The following IFT56 variants were observed in gnomAD, a reference collection of about 807,000 sequenced individuals.
IFT56 encodes intraflagellar transport 56, also known as intraflagellar transport protein 56.
chr7:139,181,266 T>C, the IFT56 span: 1 of 1,209,764 alleles, frequency 8.3e-7, no homozygotes, highest in African/African-American at 1.5e-5. Flanking sequence ...GGCTAAATAT[T>C]AGGGGAAAAT....
chr7:139,185,606 A>G, the IFT56 span, among the ~76,000 whole-genome samples: 1 of 152,044 alleles, frequency 6.6e-6, no homozygotes, highest in East Asian at 1.9e-4. Flanking sequence ...AAAGATGTGT[A>G]TACTTAAGAG....
At chr7:139,148,740 C>T in the IFT56 span, among the ~76,000 whole-genome samples, 4 of 151,664 alleles carry the variant, frequency 2.6e-5, no homozygotes, top group South Asian at 4.2e-4. Context: ...GCCTAGCCAA[C>T]ATGGCCCCAT....
the IFT56 span, among the ~76,000 whole-genome samples, chr7:139,159,657 C>G: frequency 1.3e-5 from 2 of 152,110 alleles, no homozygotes; most frequent in Non-Finnish European, 2.9e-5. Flanking sequence ...CATCTATCCT[C>G]TGTTAAGCCA....
the IFT56 span, among the ~76,000 whole-genome samples, chr7:139,157,656 A>C: frequency 6.6e-6 from 1 of 151,794 alleles, no homozygotes; most frequent in African/African-American, 2.4e-5. Context: ...GGTGTATGCC[A>C]CTGTGTCCAA....
chr7:139,141,585 G>A, the IFT56 span, among the ~76,000 whole-genome samples: 66 of 152,276 alleles, frequency 4.3e-4, no homozygotes, highest in Non-Finnish European at 7.9e-4. Flanking sequence ...GGTGATTGTG[G>A]TAGCTATCTC....
At chr7:139,179,667 T>TA in the IFT56 span, 2 of 1,565,522 alleles carry the variant, frequency 1.3e-6, no homozygotes, top group Admixed American at 3.4e-5. Context: ...TTTTAAATAT[T>TA]ACAAGAAGAA....
chr7:139,180,291 A>G, the IFT56 span, among the ~76,000 whole-genome samples: 5 of 152,290 alleles, frequency 3.3e-5, no homozygotes, highest in South Asian at 1.0e-3. Context: ...AGGGGAGATC[A>G]CGCCACTGCA....
chr7:139,178,863 C>T, the IFT56 span, among the ~76,000 whole-genome samples: 1 of 151,846 alleles, frequency 6.6e-6, no homozygotes, highest in Admixed American at 6.6e-5. Flanking sequence ...AGCCACTACA[C>T]TCCAGCCTGG....
chr7:139,171,123 AG>A, the IFT56 span, among the ~76,000 whole-genome samples: 1 of 152,186 alleles, frequency 6.6e-6, no homozygotes, highest in Non-Finnish European at 1.5e-5. Flanking sequence ...TAAAAATCTT[AG>A]GAATTAACCA....
the IFT56 span, among the ~76,000 whole-genome samples, chr7:139,138,520 G>GT: frequency 6.6e-6 from 1 of 152,130 alleles, no homozygotes; most frequent in Admixed American, 6.5e-5. Flanking sequence ...ATATGTACAT[G>GT]TATCTTGTGT....
the IFT56 span, chr7:139,190,720 A>G: frequency 6.6e-6 from 1 of 152,204 alleles, no homozygotes; most frequent in Non-Finnish European, 1.5e-5. Flanking sequence ...TATAACATAC[A>G]ACTGAGCATT....
At chr7:139,189,540 C>T in the IFT56 span, 1 of 762,332 alleles carries the variant, frequency 1.3e-6, no homozygotes, top group Non-Finnish European at 2.2e-6. Flanking sequence ...TGACATTTTC[C>T]TTCCTTGCTC....
chr7:139,181,227 T>G, the IFT56 span: 1 of 1,517,942 alleles, frequency 6.6e-7, no homozygotes, highest in African/African-American at 1.4e-5. Context: ...AAAGGGAACA[T>G]TAAAGATTCA....
chr7:139,168,679 G>A, the IFT56 span: 23 of 389,760 alleles, frequency 5.9e-5, no homozygotes, highest in East Asian at 2.8e-4. Context: ...AAATCATTGC[G>A]CAACTTCATT....
chr7:139,178,879 A>G, the IFT56 span, among the ~76,000 whole-genome samples: 1 of 152,088 alleles, frequency 6.6e-6, no homozygotes, highest in African/African-American at 2.4e-5. Context: ...CCTGGGCAAC[A>G]TAGCAAGACC....
the IFT56 span, chr7:139,180,970 G>T: frequency 1.7e-6 from 1 of 583,826 alleles, no homozygotes; most frequent in Non-Finnish European, 2.9e-6. Context: ...AGCTTTCCAT[G>T]AAAGCTTTCC....
the IFT56 span, among the ~76,000 whole-genome samples, chr7:139,155,650 A>G: frequency 6.6e-6 from 1 of 152,144 alleles, no homozygotes; most frequent in African/African-American, 2.4e-5. Flanking sequence ...ATCGTGAATA[A>G]TCTTTTTAAT....
chr7:139,154,621 A>G, the IFT56 span, among the ~76,000 whole-genome samples: 1 of 151,894 alleles, frequency 6.6e-6, no homozygotes, highest in African/African-American at 2.4e-5. Context: ...TGGTCTTGGC[A>G]CTCTTGTTGA....
chr7:139,153,151 GA>G, the IFT56 span, among the ~76,000 whole-genome samples: 110 of 132,426 alleles, frequency 8.3e-4, no homozygotes, highest in East Asian at 1.3e-3. Flanking sequence ...TCCGTCTCCG[GA>G]AAAAAAAAAA....
Sources: allele counts gnomAD v4.1 joint callset (sites outside exome capture counted in the v4.1 genomes callset), GRCh38; gene constraint gnomAD v4.1.1; transcripts MANE v1.5; gene names NCBI Gene and HGNC (gene_info 2026-07-23, HGNC 2026-07-21).